REV1: variants seen among roughly 807,000 people sequenced by gnomAD.
The protein encoded by REV1 is REV1 DNA directed polymerase.
Under a neutral mutation model 137.4 loss-of-function variants are expected in REV1, and 42 were observed. That is an observed-to-expected ratio of 0.31 (90% CI 0.24 to 0.40). The LOEUF (loss-of-function observed/expected upper bound fraction) is 0.40. Ranked by LOEUF, REV1 falls within the 10% of genes least tolerant of loss-of-function variation. The probability of loss-of-function intolerance (pLI) is 1.00; values close to 1 mark genes in which losing one functional copy is unlikely to be tolerated. For missense variants in REV1, 1,282 were observed against 1,490.1 expected (o/e 0.86, Z 2.30); for synonymous variants, 524 against 519.2 (o/e 1.01, Z -0.12).
intron 4 of REV1, among the ~76,000 whole-genome samples, chr2:99,448,268 A>C (rs923649551): frequency 6.6e-6 from 1 of 152,134 alleles, no homozygotes; most frequent in Non-Finnish European, 1.5e-5. Context: ...TCTCTCATAC[A>C]CTGATTATAA....
intron 9 of REV1, among the ~76,000 whole-genome samples, chr2:99,427,582 C>T (rs565498083): frequency 6.6e-6 from 1 of 152,128 alleles, no homozygotes; most frequent in African/African-American, 2.4e-5. Context: ...ACAATCTAGT[C>T]CCCACTCCAA....
chr2:99,476,776 C>T (rs1686024748), intron 1 of REV1, among the ~76,000 whole-genome samples: 1 of 152,156 alleles, frequency 6.6e-6, no homozygotes, highest in Non-Finnish European at 1.5e-5. Flanking sequence ...GACACCAAGG[C>T]TTGGGTGAGC....
intron 1 of REV1, among the ~76,000 whole-genome samples, chr2:99,484,376 T>C (rs960439980): frequency 2.6e-5 from 4 of 152,008 alleles, no homozygotes; most frequent in Non-Finnish European, 5.9e-5. Flanking sequence ...GAACCTAAGA[T>C]AGAAGTTTAA....
chr2:99,451,303 G>T lies in REV1; in HGVS notation c.182-1799C>A, dbSNP rs1437376304. 3 of 1,130,992 alleles carry T rather than the reference G, an allele frequency of 2.7e-6. No individual in the cohort carries two copies. The East Asian group carries it at 1.8e-4, about 67-fold the overall frequency. The allele number at this position is 1,130,992 out of a possible 1,614,324, so 70.1% of individuals were successfully genotyped here. A position where few individuals can be genotyped will look rare whatever the true frequency, so the allele number is the denominator to read the frequency against. ...TTTACCGAATAAAAAGACACGTCAA[G>T]AACACATTAACTTTCCATATACATA... is the stretch of plus-strand genomic sequence containing the variant. On this transcript the variant is annotated intron_variant, in intron 3 of 22. Transcript: ENST00000258428.
chr2:99,434,620 GTCATT>G (rs1387840753), intron 7 of REV1, among the ~76,000 whole-genome samples, 172 bp from the exon 8 acceptor site: 7 of 151,990 alleles, frequency 4.6e-5, no homozygotes, highest in Non-Finnish European at 1.0e-4. Flanking sequence ...CCATGTAAAT[GTCATT>G]TAAGTTTCTT....
intron 8 of REV1, 145 bp downstream of exon 8, chr2:99,434,187 C>T: frequency 2.1e-6 from 1 of 485,618 alleles, no homozygotes; most frequent in Non-Finnish European, 3.7e-6. Context: ...TTCAACAAAA[C>T]CTAACAGTGA....
intron 1 of REV1, among the ~76,000 whole-genome samples, chr2:99,475,750 C>G (rs1191433971): frequency 2.0e-5 from 3 of 151,890 alleles, no homozygotes; most frequent in African/African-American, 7.3e-5. Flanking sequence ...TTTGGGAGGC[C>G]GAGGTGGGTG....
chr2:99,424,408 A>G, intron 9 of REV1, 128 bp from the exon 10 acceptor site: 1 of 1,001,074 alleles, frequency 1.0e-6, no homozygotes, highest in Non-Finnish European at 1.4e-6. Flanking sequence ...CTCATTAGGG[A>G]TTAAAGATAG....
Position 99,401,332 on chromosome 2 carries a change from T to G in REV1, c.3665A>C (p.Glu1222Ala). The G allele has an allele frequency of 6.2e-7, 1 of 1,613,140 alleles. No individual in the cohort carries two copies. Among genetic ancestry groups the G allele is most frequent in the Non-Finnish European group, 8.5e-7 (1 of 1,179,426 alleles). ...YMKRLMQQSV[E>A]SVWNMAFDFI... ...GTCAAATGCCATATTCCAAACCGATTCCACCGATTGCTGCATCAGCCTAAA... is the reference window on the plus strand; with the variant it reads ...GTCAAATGCCATATTCCAAACCGATGCCACCGATTGCTGCATCAGCCTAAA... Residue 1222 changes from glutamate (E) to alanine (A), a missense_variant, in exon 23 of 23, where the codon GAA (glutamate) becomes GCA (alanine). Physicochemically the swap from Glu to Ala is moderately radical, Grantham distance 107. Coordinates refer to ENST00000258428, the MANE Select transcript of REV1 (RefSeq NM_016316.4).
At chr2:99,474,535 CAT>C (rs1559411894) in intron 1 of REV1, among the ~76,000 whole-genome samples, 1 of 152,126 alleles carries the variant, frequency 6.6e-6, no homozygotes, top group Non-Finnish European at 1.5e-5. Context: ...ATAATAGAGC[CAT>C]ATATGTAACA....
At chr2:99,449,204 G>A (rs1487053847) in intron 4 of REV1, 132 bp downstream of exon 4, 2 of 363,202 alleles carry the variant, frequency 5.5e-6, no homozygotes, top group South Asian at 7.2e-5. Context: ...GGTTGAGGCT[G>A]CAGTGAGCCA....
At position 99,403,679 on chromosome 2, in the gene REV1, C is replaced by G; in HGVS notation, c.3166+16G>C. Reference sequence around the variant, plus strand: ...CTTTGTCTTCATTTTTGTTACATGCCACTTCCAAGGCTCACCAGATGCGCT... The same window carrying G: ...CTTTGTCTTCATTTTTGTTACATGCGACTTCCAAGGCTCACCAGATGCGCT... On this transcript the variant is annotated intron_variant, in intron 19 of 22. Transcript: ENST00000258428. The G allele has an allele frequency of 6.2e-7, 1 of 1,613,972 alleles. No homozygotes were observed. Among genetic ancestry groups the G allele is most frequent in the Non-Finnish European group, 8.5e-7 (1 of 1,180,000 alleles).
At chr2:99,440,968 C>T (rs1011052857) in intron 5 of REV1, among the ~76,000 whole-genome samples, 1 of 151,998 alleles carries the variant, frequency 6.6e-6, no homozygotes, top group Admixed American at 6.5e-5. Flanking sequence ...GGAAATATCA[C>T]GGGTAGAGAT....
At chr2:99,476,451 G>A (rs989405557) in intron 1 of REV1, among the ~76,000 whole-genome samples, 1 of 152,096 alleles carries the variant, frequency 6.6e-6, no homozygotes, top group Non-Finnish European at 1.5e-5. Flanking sequence ...AGCTACTCAG[G>A]AAGCTGAGGC....
intron 8 of REV1, 125 bp downstream of exon 8, chr2:99,434,207 A>G: frequency 1.9e-6 from 1 of 526,562 alleles, no homozygotes; most frequent in Non-Finnish European, 3.4e-6. Context: ...ACATCCTTAA[A>G]ACCCCTGAAT....
At chr2:99,483,804 G>T (rs980464839) in intron 1 of REV1, among the ~76,000 whole-genome samples, 11 of 152,018 alleles carry the variant, frequency 7.2e-5, no homozygotes, top group African/African-American at 2.4e-4. Flanking sequence ...AATGGCCTTG[G>T]GGGGAAAACC....
At chr2:99,404,194 A>G (rs1188037444) in intron 18 of REV1, among the ~76,000 whole-genome samples, 1 of 152,102 alleles carries the variant, frequency 6.6e-6, no homozygotes, top group Non-Finnish European at 1.5e-5. Context: ...TTTGCCCCAG[A>G]TCAGTGTGTT....
In REV1 at chr2:99,421,480, A is replaced by G; in HGVS notation, c.1831+19T>C. 1 of 1,607,220 alleles carries G rather than the reference A, an allele frequency of 6.2e-7. No homozygotes were observed. The highest frequency in any genetic ancestry group is 8.5e-7 in the Non-Finnish European group (1 of 1,176,836). The stretch of plus-strand genomic sequence containing the variant: ...TCTCAAAGCAACTCTTTTGAGTACA[A>G]GATAAGCTAGATACTAACCAATTCC... On this transcript the variant is annotated intron_variant, in intron 11 of 22. Transcript: ENST00000258428.
intron 10 of REV1, among the ~76,000 whole-genome samples, chr2:99,423,089 A>G (rs1678896045): frequency 6.6e-6 from 1 of 152,228 alleles, no homozygotes; most frequent in African/African-American, 2.4e-5. Flanking sequence ...TAAGTGTCTT[A>G]TCATTCAGCA....
Sources: allele counts gnomAD v4.1 joint callset (sites outside exome capture counted in the v4.1 genomes callset), GRCh38; gene constraint gnomAD v4.1.1; transcripts MANE v1.5; gene names NCBI Gene and HGNC (gene_info 2026-07-23, HGNC 2026-07-21).